The following LRMDA variants were observed in gnomAD, a reference collection of about 807,000 sequenced individuals.
LRMDA encodes the protein leucine-rich melanocyte differentiation-associated protein.
Under a neutral mutation model 29.8 loss-of-function variants are expected in LRMDA, and 18 were observed. That is an observed-to-expected ratio of 0.60 (90% CI 0.42 to 0.90). LRMDA has a LOEUF of 0.90. Ranked by LOEUF, LRMDA falls within the 40% of genes least tolerant of loss-of-function variation. LRMDA has a pLI of 0.00. For missense variants in LRMDA, 273 were observed against 273.9 expected (o/e 1.00, Z 0.02); for synonymous variants, 125 against 109.4 (o/e 1.14, Z -0.89).
At chr10:75,903,944 T>C (rs1845719017) in intron 2 of LRMDA, among the ~76,000 whole-genome samples, 2 of 152,226 alleles carry the variant, frequency 1.3e-5, no homozygotes, top group South Asian at 2.1e-4. Context: ...TGACACTTGC[T>C]CTGCTGTGTG....
intron 6 of LRMDA, among the ~76,000 whole-genome samples, chr10:76,363,146 A>T (rs1315820642): frequency 2.8e-5 from 1 of 36,248 alleles, no homozygotes; most frequent in South Asian, 7.8e-4. Context: ...AGAAAGAAAG[A>T]AAGAAAGAAA....
chr10:75,748,144 A>G (rs1842911335), intron 2 of LRMDA, among the ~76,000 whole-genome samples: 1 of 151,928 alleles, frequency 6.6e-6, no homozygotes, highest in African/African-American at 2.4e-5. Context: ...CCCAGGCTGG[A>G]GTGCAGTGGC....
chr10:75,793,114 C>T (rs1589205921), intron 2 of LRMDA, among the ~76,000 whole-genome samples: 1 of 152,184 alleles, frequency 6.6e-6, no homozygotes, highest in Non-Finnish European at 1.5e-5. Context: ...CATACAGAAA[C>T]AGTATGATGT....
intron 2 of LRMDA, among the ~76,000 whole-genome samples, chr10:75,938,059 T>C (rs998673358): frequency 6.6e-6 from 1 of 152,128 alleles, no homozygotes; most frequent in Non-Finnish European, 1.5e-5. Context: ...GTAGGACAAA[T>C]AAGGGGTACT....
chr10:75,872,166 T>G (rs1589235982), intron 2 of LRMDA, among the ~76,000 whole-genome samples: 1 of 152,340 alleles, frequency 6.6e-6, no homozygotes, highest in East Asian at 1.9e-4. Flanking sequence ...GTTGCTTTAT[T>G]TTCTTTATAT....
intron 5 of LRMDA, among the ~76,000 whole-genome samples, chr10:76,257,178 T>A (rs543133755): frequency 6.6e-6 from 1 of 152,262 alleles, no homozygotes; most frequent in South Asian, 2.1e-4. Flanking sequence ...TCTTTTTAAT[T>A]GTTAATTATT....
intron 6 of LRMDA, among the ~76,000 whole-genome samples, chr10:76,478,675 A>G (rs1842704301): frequency 6.6e-6 from 1 of 152,152 alleles, no homozygotes; most frequent in Non-Finnish European, 1.5e-5. Flanking sequence ...AGACTGGATT[A>G]AGAAAATGTG....
At position 76,057,674 on chromosome 10, in the gene LRMDA, T is replaced by C. The variant is rs56999839; in HGVS notation, c.399-992T>C. 9.3e-3 allele frequency among the ~76,000 whole-genome samples: 1,423 copies of C among 152,242 alleles called. 38 individuals are homozygous for C. Among genetic ancestry groups the C allele is most frequent in the East Asian group, 0.084 (433 of 5,172 alleles). On this transcript the variant is annotated intron_variant, in intron 4 of 6. Coordinates refer to ENST00000611255, the MANE Select transcript of LRMDA (RefSeq NM_001305581.2). ...GAGTATATGCTGAGGAGGCTGGGTA[T>C]AGGAAGGAAATGACAGATTCCCTTG... is the stretch of plus-strand genomic sequence containing the variant.
chr10:75,505,810 A>G (rs563865986), intron 2 of LRMDA, among the ~76,000 whole-genome samples: 26 of 152,324 alleles, frequency 1.7e-4, no homozygotes, highest in African/African-American at 6.3e-4. Flanking sequence ...CACATGGTGT[A>G]ATGACAGCAG....
At position 75,757,536 on chromosome 10, in the gene LRMDA, A is replaced by G. The variant is rs1005515715; in HGVS notation, c.132-278472A>G. Among the ~76,000 whole-genome samples the G allele has an allele frequency of 1.3e-5, 2 of 152,100 alleles. 1 individual carries two copies. Among genetic ancestry groups the G allele is most frequent in the South Asian group, 4.2e-4 (2 of 4,808 alleles). Reference sequence around the variant, plus strand: ...CCCTGGCATTGGTCCCCCCGTGTTTACATCCCAGCCTGGCTGTTTGTCAGC... The same window carrying G: ...CCCTGGCATTGGTCCCCCCGTGTTTGCATCCCAGCCTGGCTGTTTGTCAGC... On this transcript the variant is annotated intron_variant, in intron 2 of 6. Transcript: ENST00000611255.
chr10:75,972,466 A>T (rs1477438399), intron 2 of LRMDA, among the ~76,000 whole-genome samples: 3 of 152,174 alleles, frequency 2.0e-5, no homozygotes, highest in Non-Finnish European at 2.9e-5. Flanking sequence ...TTAAAAATTC[A>T]TCTGAAGCGT....
chr10:75,807,807 A>G (rs1373828545), intron 2 of LRMDA, among the ~76,000 whole-genome samples: 1 of 152,180 alleles, frequency 6.6e-6, no homozygotes, highest in Non-Finnish European at 1.5e-5. Flanking sequence ...CTAAATAGGG[A>G]GTGTGTAAAC....
chr10:76,118,299 C>T (rs1299084440), intron 5 of LRMDA, among the ~76,000 whole-genome samples: 2 of 152,148 alleles, frequency 1.3e-5, no homozygotes, highest in East Asian at 3.9e-4. Context: ...TAGGGAGAAT[C>T]ACATCTCACC....
At chr10:75,714,835 T>TTCCC (rs58796439) in intron 2 of LRMDA, among the ~76,000 whole-genome samples, 21,417 of 125,002 alleles carry the variant, frequency 0.17, 3,038 homozygotes, top group African/African-American at 0.39. Flanking sequence ...TCCTCCTTCT[T>TTCCC]TCCCTCCCTC....
chr10:76,045,309 C>T (rs1299443889), intron 3 of LRMDA, among the ~76,000 whole-genome samples: 1 of 144,924 alleles, frequency 6.9e-6, no homozygotes, highest in African/African-American at 2.6e-5. Context: ...TGCCAGTTTC[C>T]CCCTCTCTTG....
intron 6 of LRMDA, among the ~76,000 whole-genome samples, chr10:76,462,663 C>T (rs916685312): frequency 6.6e-6 from 1 of 152,124 alleles, no homozygotes; most frequent in African/African-American, 2.4e-5. Context: ...GTGGTCTGGC[C>T]TTCAAGGGAG....
At chr10:76,280,060 A>G (rs1840183633) in intron 5 of LRMDA, among the ~76,000 whole-genome samples, 1 of 152,238 alleles carries the variant, frequency 6.6e-6, no homozygotes, top group African/African-American at 2.4e-5. Flanking sequence ...ATGTCTTCAC[A>G]TTTAAGATCA....
chr10:75,708,963 AT>A (rs1212742400), intron 2 of LRMDA, among the ~76,000 whole-genome samples: 1 of 152,174 alleles, frequency 6.6e-6, no homozygotes, highest in Non-Finnish European at 1.5e-5. Flanking sequence ...AGGCATTTGC[AT>A]AGGAATAGGA....
Position 76,427,511 on chromosome 10 carries a change from G to A in LRMDA, c.601+103026G>A, listed in dbSNP as rs549952399. 1.2e-3 allele frequency among the ~76,000 whole-genome samples: 182 copies of A among 152,212 alleles called. 1 individual carries two copies. The highest frequency in any genetic ancestry group is 2.4e-3 in the Admixed American group (36 of 15,276). On this transcript the variant is annotated intron_variant, in intron 6 of 6. Transcript: ENST00000611255. Reference sequence around the variant, plus strand: ...GCTTAATGAGATTTTGGGCTGAGACGATGGGGTTTTCTAGATATACAATGA... The same window carrying A: ...GCTTAATGAGATTTTGGGCTGAGACAATGGGGTTTTCTAGATATACAATGA...
Sources: gnomAD v4.1 joint callset for allele counts (sites outside exome capture counted in the v4.1 genomes callset) on GRCh38, gnomAD v4.1.1 for gene constraint, MANE v1.5 for transcripts, NCBI Gene and HGNC (gene_info 2026-07-23, HGNC 2026-07-21) for gene names.